The following CCDC7 variants were observed in gnomAD, a reference collection of about 807,000 sequenced individuals.
The protein encoded by CCDC7 is coiled-coil domain-containing protein 7.
Under a neutral mutation model 196.9 loss-of-function variants are expected in CCDC7, and 183 were observed. The ratio of observed to expected loss-of-function variants is 0.93; its 90% confidence interval spans 0.82 to 1.05. CCDC7 has a LOEUF of 1.05. CCDC7 is among the 50% of genes least tolerant of loss of function. The pLI, the probability that CCDC7 is intolerant of heterozygous loss-of-function variation, is 0.00. For missense variants in CCDC7, 1,540 were observed against 1,482.2 expected, an observed-to-expected ratio of 1.04 and a Z score of -0.64; for synonymous variants, 525 against 484.6, an observed-to-expected ratio of 1.08 and a Z score of -1.10.
intron 25 of CCDC7, among the ~76,000 whole-genome samples, chr10:32,714,046 T>G (rs550395797): frequency 1.8e-4 from 27 of 152,346 alleles, no homozygotes; most frequent in African/African-American, 6.0e-4. Context: ...AAGCCCTTTG[T>G]TGGTTCTCTA....
intron 33 of CCDC7, among the ~76,000 whole-genome samples, chr10:32,838,398 C>T (rs1174921953): frequency 6.6e-6 from 1 of 151,884 alleles, no homozygotes; most frequent in Admixed American, 6.6e-5. Context: ...CTTCAGAGCT[C>T]GATGACAAGG....
rs1564383163 is a variant in CCDC7, at chr10:32,474,028, G to GT, written c.796+8dup. ...ATGTTTCTGCAACAGAACCACGTAA[G>GT]TTTCCACTCATTAAAGCATTATTGT... On this transcript the variant is annotated splice_donor_region_variant and intron_variant, in intron 8 of 41. Coordinates refer to ENST00000639629, the Ensembl canonical transcript of CCDC7. The GT allele has an allele frequency of 1.9e-6, 3 of 1,610,318 alleles. No homozygotes were observed. The South Asian group carries it at 3.3e-5, about 18-fold the overall frequency.
intron 23 of CCDC7, 41 bp downstream of exon 24, chr10:32,689,204 G>A (rs1351922287): frequency 2.3e-6 from 3 of 1,314,184 alleles, no homozygotes; most frequent in Admixed American, 2.3e-5. Flanking sequence ...TTATTTAAAA[G>A]TAAGTTCATC....
downstream of CCDC7, chr10:32,877,089 A>G: frequency 6.6e-6 from 1 of 152,106 alleles, no homozygotes; most frequent in Non-Finnish European, 1.5e-5. Context: ...CCAAAAAATA[A>G]TAAAGAAAAT....
At chr10:32,654,288 G>A (rs1039603839) in intron 20 of CCDC7, among the ~76,000 whole-genome samples, 2 of 152,036 alleles carry the variant, frequency 1.3e-5, no homozygotes, top group African/African-American at 4.8e-5. Context: ...TAGAATCTTT[G>A]TCTAGTAAGT....
chr10:32,590,805 A>ACT (rs2059712600), intron 18 of CCDC7, among the ~76,000 whole-genome samples: 1 of 151,700 alleles, frequency 6.6e-6, no homozygotes, highest in East Asian at 1.9e-4. Flanking sequence ...ATGTCCTACT[A>ACT]CTCTCTCCAG....
chr10:32,825,178 G>C (rs2090926764), intron 32 of CCDC7, among the ~76,000 whole-genome samples: 1 of 152,210 alleles, frequency 6.6e-6, no homozygotes, highest in Non-Finnish European at 1.5e-5. Flanking sequence ...AACAGATAAA[G>C]AGAGCCCTGT....
intron 18 of CCDC7, among the ~76,000 whole-genome samples, chr10:32,596,369 T>C (rs1323289530): frequency 6.6e-6 from 1 of 152,194 alleles, no homozygotes; most frequent in Non-Finnish European, 1.5e-5. Context: ...TTACCTTTTT[T>C]TGTTTTCCAT....
intron 13 of CCDC7, among the ~76,000 whole-genome samples, chr10:32,562,942 A>G (rs1279858860): frequency 6.6e-6 from 1 of 152,242 alleles, no homozygotes; most frequent in Non-Finnish European, 1.5e-5. Context: ...GCTGATAAGC[A>G]ACTTCAGCAA....
chr10:32,664,566 C>G (rs917702886), intron 21 of CCDC7, among the ~76,000 whole-genome samples: 2 of 152,060 alleles, frequency 1.3e-5, no homozygotes, highest in Non-Finnish European at 2.9e-5. Flanking sequence ...CTTTTTAAAA[C>G]TCCTCATATA....
intron 28 of CCDC7, among the ~76,000 whole-genome samples, chr10:32,751,215 T>A (rs1039507122): frequency 2.6e-5 from 4 of 151,884 alleles, no homozygotes; most frequent in Non-Finnish European, 5.9e-5. Context: ...CCTCTATTTA[T>A]CTAGTATTTT....
At chr10:32,833,644 TTTG>T (rs909907748) in intron 32 of CCDC7, among the ~76,000 whole-genome samples, 1 of 152,038 alleles carries the variant, frequency 6.6e-6, no homozygotes, top group Non-Finnish European at 1.5e-5. Flanking sequence ...TCCCCAGGTT[TTTG>T]TTGTTGTTGT....
chr10:32,617,869 G>A (rs926336449), intron 18 of CCDC7, among the ~76,000 whole-genome samples: 4 of 151,950 alleles, frequency 2.6e-5, no homozygotes, highest in African/African-American at 9.7e-5. Context: ...CTAGTGCTAT[G>A]ACTGTGATGT....
At chr10:32,508,929 G>A (rs2370776) in intron 9 of CCDC7, among the ~76,000 whole-genome samples, 19,492 of 130,020 alleles carry the variant, frequency 0.15, 1,672 homozygotes, top group East Asian at 0.25. Flanking sequence ...CACTGTGCCT[G>A]GCATTTTTTT....
intron 9 of CCDC7, chr10:32,511,482 A>G (rs957780340): frequency 6.2e-7 from 1 of 1,606,384 alleles, no homozygotes; most frequent in Non-Finnish European, 8.5e-7. Context: ...ATTCTTTCCA[A>G]TTCCTGTTTT....
intron 20 of CCDC7, among the ~76,000 whole-genome samples, chr10:32,645,695 T>C (rs1243329517): frequency 6.6e-6 from 1 of 152,010 alleles, no homozygotes; most frequent in Non-Finnish European, 1.5e-5. Flanking sequence ...AAGCTTCTAA[T>C]TATTGCTTTT....
chr10:32,701,455 C>G (rs2078708519), intron 24 of CCDC7, among the ~76,000 whole-genome samples: 1 of 152,160 alleles, frequency 6.6e-6, no homozygotes. Context: ...CCATGTTCAT[C>G]AGGGATATTG....
intron 16 of CCDC7, among the ~76,000 whole-genome samples, chr10:32,572,866 C>CCT (rs1225419905): frequency 1.1e-5 from 1 of 90,354 alleles, no homozygotes; most frequent in African/African-American, 4.5e-5. Context: ...AAGCATGGTG[C>CCT]TTTTTTTTTT....
At chr10:32,639,129 T>G (rs1427406065) in intron 20 of CCDC7, among the ~76,000 whole-genome samples, 1 of 152,178 alleles carries the variant, frequency 6.6e-6, no homozygotes, top group Admixed American at 6.5e-5. Context: ...CTTTTCTTCT[T>G]TATTAGTCTT....
Sources: gnomAD v4.1 joint callset for allele counts (sites outside exome capture counted in the v4.1 genomes callset) on GRCh38, gnomAD v4.1.1 for gene constraint, MANE v1.5 for transcripts, NCBI Gene and HGNC (gene_info 2026-07-23, HGNC 2026-07-21) for gene names.